ELOA: variants seen among roughly 807,000 people sequenced by gnomAD.
The protein encoded by ELOA is elongin-A.
Under a neutral mutation model 85.2 loss-of-function variants are expected in ELOA, and 15 were observed. The ratio of observed to expected loss-of-function variants is 0.18; its 90% confidence interval spans 0.12 to 0.27. ELOA has a LOEUF of 0.27. ELOA is among the 10% of genes least tolerant of loss of function. ELOA has a pLI of 1.00. For synonymous variants in ELOA, 348 were observed against 357.2 expected (o/e 0.97, Z 0.29); for missense variants, 769 against 952.7 (o/e 0.81, Z 2.54).
chr1:23,743,724 A>AC, intron 1 of ELOA, 146 bp downstream of exon 1: 1 of 1,027,220 alleles, frequency 9.7e-7, no homozygotes, highest in East Asian at 3.3e-5. Flanking sequence ...GCGGCCATTG[A>AC]CCGCTGCCCG....
At position 23,759,653 on chromosome 1, in the gene ELOA, G is replaced by C; in HGVS notation, c.*80G>C. On this transcript the variant is annotated 3_prime_UTR_variant, in exon 11 of 11. Transcript: ENST00000613537. Reference sequence around the variant, plus strand: ...GGGGGTTGGGGAATGGAATTCTACAGGAGACTGGAGTCTTGCTTTGTGGAT... The same window carrying C: ...GGGGGTTGGGGAATGGAATTCTACACGAGACTGGAGTCTTGCTTTGTGGAT... 6.6e-7 allele frequency: 1 copy of C among 1,506,778 alleles called. No individual in the cohort carries two copies. 93.3% of individuals were successfully genotyped at this position (1,506,778 alleles called of 1,614,324 possible).
chr1:23,757,196 C>G, intron 10 of ELOA, 71 bp downstream of exon 10: 4 of 1,459,510 alleles, frequency 2.7e-6, no homozygotes, highest in Admixed American at 2.5e-5. Flanking sequence ...TCATTATTCA[C>G]TGTATTACAT....
chr1:23,750,915 A>G lies in ELOA; in HGVS notation c.310A>G (p.Lys104Glu), dbSNP rs1644767118. The change falls in exon 4 of 11, where the codon AAG becomes GAG. Residue 104 changes from lysine to glutamate, a missense_variant. Lys to Glu is a moderately conservative substitution (Grantham distance 56). Around this residue, in one of 4 missense-constraint regions of ELOA, gnomAD observed 440 missense variants for 474.0 expected, o/e 0.93. Transcript: ENST00000613537. Reference protein sequence around the residue: ...SRKRPRDALQKEEEMEGDYQE... With the variant: ...SRKRPRDALQEEEEMEGDYQE... ...AAAGCGCCCTCGGGATGCCCTGCAG[A>G]AGGAGGAGGAGATGGAGGGGGACTA... 6.2e-7 allele frequency: 1 copy of G among 1,613,908 alleles called. No individual in the cohort carries two copies. Among genetic ancestry groups the G allele is most frequent in the Non-Finnish European group, 8.5e-7 (1 of 1,179,960 alleles).
At chr1:23,745,343 C>G (rs1053924729) in intron 1 of ELOA, among the ~76,000 whole-genome samples, 1 of 152,124 alleles carries the variant, frequency 6.6e-6, no homozygotes, top group East Asian at 1.9e-4. Context: ...TAACTACCCA[C>G]TATTTGTTCT....
rs755074280 is a variant in ELOA at position 23,751,549 on chromosome 1, C to T, written c.944C>T (p.Pro315Leu). 3.1e-6 allele frequency: 5 copies of T among 1,614,008 alleles called. No individual in the cohort carries two copies. The East Asian group carries it at 8.9e-5, about 29-fold the overall frequency. ...EGSSLKKKCLPPSEAASDNHL... is the reference protein window; with the variant it reads ...EGSSLKKKCLLPSEAASDNHL... Reference sequence around the variant, plus strand: ...AGCAGCCTGAAGAAGAAGTGTTTGCCTCCCTCAGAGGCCGCTTCAGACAAC... The same window carrying T: ...AGCAGCCTGAAGAAGAAGTGTTTGCTTCCCTCAGAGGCCGCTTCAGACAAC... Residue 315 changes from proline (P) to leucine (L), a missense_variant, in exon 4 of 11, where the codon CCT becomes CTT. Physicochemically the swap from Pro to Leu is moderately conservative, Grantham distance 98. Coordinates refer to ENST00000613537, the MANE Select transcript of ELOA (RefSeq NM_003198.3).
At position 23,751,675 on chromosome 1, in the gene ELOA, T is replaced by C; in HGVS notation, c.1070T>C (p.Leu357Pro). The C allele has an allele frequency of 6.2e-7, 1 of 1,614,174 alleles. No individual in the cohort carries two copies. Among genetic ancestry groups the C allele is most frequent in the Non-Finnish European group, 8.5e-7 (1 of 1,180,036 alleles). The change falls in exon 4 of 11, where the codon CTG becomes CCG. Residue 357 changes from leucine (L) to proline (P), a missense_variant. Transcript: ENST00000613537. ...GACACAGGAAAAGGAGCAGGAGACC[T>C]GTTGCCCAAGGTAAAAGAGAAGGGT... ...SFDTGKGAGD[L>P]LPKVKEKGSN...
In ELOA at chr1:23,761,566, T is replaced by G. The variant is rs1218346300; in HGVS notation, c.*1993T>G. The G allele has an allele frequency of 2.0e-5, 3 of 152,188 alleles. No individual in the cohort carries two copies. The highest frequency in any genetic ancestry group is 7.2e-5 in the African/African-American group (3 of 41,442). The allele number at this position is 152,188 out of a possible 1,614,324, so 9.4% of individuals were successfully genotyped here. A position where few individuals can be genotyped will look rare whatever the true frequency, so the allele number is the denominator to read the frequency against. On this transcript the variant is annotated 3_prime_UTR_variant, in exon 11 of 11. Transcript: ENST00000613537. ...GCACATAAAGATTTTTGATGAGCCC[T>G]GTTTGCATAGAGCCAGATGTTTTCC...
At position 23,755,842 on chromosome 1, in the gene ELOA, G is replaced by C; in HGVS notation, c.1792-1G>C. On this transcript the variant is annotated splice_acceptor_variant, in intron 7 of 10. Coordinates refer to ENST00000613537, the MANE Select transcript of ELOA (RefSeq NM_003198.3). LOFTEE classifies it high-confidence loss of function. ...AAATGATGTCCTGGTTCTGGTTTCA[G>C]GTATTAATTGAAGAAACAGATCAAT... 1 of 1,598,384 alleles carries C rather than the reference G, an allele frequency of 6.3e-7. No homozygotes were observed. Among genetic ancestry groups the C allele is most frequent in the Non-Finnish European group, 8.5e-7 (1 of 1,174,198 alleles).
chr1:23,749,244 A>G (rs1644759008), intron 2 of ELOA, among the ~76,000 whole-genome samples, 167 bp downstream of exon 2: 1 of 152,234 alleles, frequency 6.6e-6, no homozygotes, highest in Non-Finnish European at 1.5e-5. Context: ...AGAATAGGCA[A>G]ATCCATAGAC....
At chr1:23,744,825 G>C (rs927402485) in intron 1 of ELOA, among the ~76,000 whole-genome samples, 1 of 152,198 alleles carries the variant, frequency 6.6e-6, no homozygotes, top group African/African-American at 2.4e-5. Context: ...GGGAGGGCTA[G>C]GGCCGTGGGG....
intron 1 of ELOA, among the ~76,000 whole-genome samples, chr1:23,745,947 C>T (rs897110362): frequency 7.9e-5 from 12 of 152,144 alleles, no homozygotes; most frequent in African/African-American, 1.2e-4. Flanking sequence ...CAGCCTAGGA[C>T]CACTTGGTTT....
chr1:23,747,334 C>T (rs1644751593), intron 1 of ELOA, among the ~76,000 whole-genome samples: 2 of 152,200 alleles, frequency 1.3e-5, no homozygotes, highest in South Asian at 4.1e-4. Context: ...CTGTAGTAGA[C>T]ACATTTGACT....
In ELOA at chr1:23,757,114, C is replaced by T; in HGVS notation, c.2246C>T (p.Pro749Leu). The T allele has an allele frequency of 6.4e-7, 1 of 1,558,496 alleles. No individual in the cohort carries two copies. The highest frequency in any genetic ancestry group is 2.3e-5 in the East Asian group (1 of 42,960). Reference protein sequence around the residue: ...SSTVSYDPRKPTVKKIAPMMA... With the variant: ...SSTVSYDPRKLTVKKIAPMMA... ...ACTGTTTCCTATGATCCTAGGAAAC[C>T]CACTGTGAAGAGTAAGTAACTTGGA... The change falls in exon 10 of 11, where the codon CCC becomes CTC. Residue 749 changes from proline (P) to leucine (L), a missense_variant. By Grantham distance (98) the Pro-to-Leu change is moderately conservative. This residue lies in a region of ELOA where 116 missense variants were observed against 141.0 expected (regional missense o/e 0.82). Transcript: ENST00000613537.
intron 7 of ELOA, among the ~76,000 whole-genome samples, chr1:23,755,378 A>C (rs1279898257): frequency 2.6e-5 from 4 of 152,140 alleles, no homozygotes; most frequent in Admixed American, 1.3e-4. Flanking sequence ...GCATTTTTAA[A>C]ATTTAGGGAG....
At chr1:23,752,878 G>C (rs1031262535) in intron 5 of ELOA, among the ~76,000 whole-genome samples, 3 of 152,190 alleles carry the variant, frequency 2.0e-5, no homozygotes, top group African/African-American at 7.2e-5. Flanking sequence ...GGGAGGTGGA[G>C]GTTGCAGTGG....
chr1:23,749,793 C>G, intron 2 of ELOA, 49 bp from the exon 3 acceptor site: 1 of 1,519,176 alleles, frequency 6.6e-7, no homozygotes, highest in Non-Finnish European at 9.0e-7. Context: ...TTTAGAAAAA[C>G]GTTAGCCTAG....
intron 1 of ELOA, among the ~76,000 whole-genome samples, chr1:23,746,796 C>A (rs1377868757): frequency 1.3e-5 from 2 of 152,194 alleles, no homozygotes; most frequent in East Asian, 3.9e-4. Flanking sequence ...TTCTCAGTTG[C>A]CTGTTACCAG....
Position 23,754,418 on chromosome 1 carries a change from G to A in ELOA, c.1749G>A (p.Arg583=). ...PYSVLEPVLE[R]CTPDQLYRIE... The stretch of plus-strand genomic sequence containing the variant: ...CTGTTCTTGAACCCGTTTTGGAGAG[G>A]TGTACACCTGATCAGCTGTATCGCA... Residue 583 remains arginine, a synonymous_variant, in exon 7 of 11, where the codon AGG becomes AGA. Coordinates refer to ENST00000613537, the MANE Select transcript of ELOA (RefSeq NM_003198.3). The A allele has an allele frequency of 6.2e-7, 1 of 1,614,176 alleles. No homozygotes were observed. Among genetic ancestry groups the A allele is most frequent in the Non-Finnish European group, 8.5e-7 (1 of 1,180,024 alleles).
intron 2 of ELOA, among the ~76,000 whole-genome samples, chr1:23,749,422 T>G (rs886317889): frequency 6.6e-6 from 1 of 152,274 alleles, no homozygotes; most frequent in African/African-American, 2.4e-5. Context: ...GTGAATATTG[T>G]TAAATGACTT....
Sources: allele counts gnomAD v4.1 joint callset (sites outside exome capture counted in the v4.1 genomes callset), GRCh38; gene constraint gnomAD v4.1.1; regional missense constraint gnomAD v4.1.1; transcripts MANE v1.5; gene names NCBI Gene and HGNC (gene_info 2026-07-23, HGNC 2026-07-21).